PCDH15: variants seen among roughly 807,000 people sequenced by gnomAD.
The protein encoded by PCDH15 is protocadherin-15.
In PCDH15, 129 loss-of-function variants were observed where a neutral mutation model predicts 178.5. The observed-to-expected ratio is 0.72, with a 90% CI of 0.63 to 0.84. The LOEUF is 0.84. Among genes scored for constraint, PCDH15 ranks in the 40% least tolerant of loss-of-function variants. PCDH15 has a pLI of 0.00. For synonymous variants in PCDH15, 800 were observed against 732.0 expected (o/e 1.09, Z -1.50); for missense variants, 2,230 against 2,099.9 (o/e 1.06, Z -1.21).
At chr10:54,874,870 A>G (rs1954110995) in intron 3 of PCDH15, among the ~76,000 whole-genome samples, 1 of 152,162 alleles carries the variant, frequency 6.6e-6, no homozygotes, top group African/African-American at 2.4e-5. Flanking sequence ...TTATTGTCCT[A>G]ATGAAATCAC....
chr10:54,410,152 G>A (rs112127397), intron 3 of PCDH15, among the ~76,000 whole-genome samples: 24 of 152,152 alleles, frequency 1.6e-4, no homozygotes, highest in Admixed American at 4.6e-4. Context: ...CAGGAAAACA[G>A]GGCTGGGTTG....
chr10:54,213,132 G>A (rs1352274257), intron 10 of PCDH15, among the ~76,000 whole-genome samples: 3 of 151,860 alleles, frequency 2.0e-5, no homozygotes, highest in Non-Finnish European at 4.4e-5. Flanking sequence ...ATATGAGAGA[G>A]TTATGTACTA....
At chr10:54,399,201 C>G (rs1951624557) in intron 3 of PCDH15, among the ~76,000 whole-genome samples, 1 of 151,960 alleles carries the variant, frequency 6.6e-6, no homozygotes, top group South Asian at 2.1e-4. Flanking sequence ...GCTACCTACT[C>G]TCAGTGAAGA....
intron 1 of PCDH15, among the ~76,000 whole-genome samples, chr10:55,307,277 C>A (rs542391124): frequency 6.6e-6 from 1 of 151,756 alleles, no homozygotes; most frequent in Non-Finnish European, 1.5e-5. Flanking sequence ...CCGAGGCAGG[C>A]GGATCACGAG....
At position 55,479,026 on chromosome 10, in the gene PCDH15, T is replaced by C. The variant is rs112223719; in HGVS notation, c.-156+148599A>G. ...TCTCCCATAAGAGAAAAGTCCAGGATCTGATGAAGATCCTGGACTCAGTTC... is the reference window on the plus strand; with the variant it reads ...TCTCCCATAAGAGAAAAGTCCAGGACCTGATGAAGATCCTGGACTCAGTTC... On this transcript the variant is annotated intron_variant, in intron 2 of 5. Coordinates refer to the PCDH15 transcript ENST00000613346. 7.2e-3 allele frequency among the ~76,000 whole-genome samples: 1,074 copies of C among 149,452 alleles called. 4 individuals are homozygous for C. The highest frequency in any genetic ancestry group is 0.011 in the Non-Finnish European group (706 of 67,172).
At chr10:54,804,012 G>T (rs1190827137), upstream of PCDH15, among the ~76,000 whole-genome samples, 1 of 151,754 alleles carries the variant, frequency 6.6e-6, no homozygotes, top group Non-Finnish European at 1.5e-5. Flanking sequence ...TTAAAAAGTG[G>T]TAATAAACAA....
intron 2 of PCDH15, among the ~76,000 whole-genome samples, chr10:54,913,154 G>A (rs1803009606): frequency 6.6e-6 from 1 of 152,182 alleles, no homozygotes; most frequent in Admixed American, 6.6e-5. Flanking sequence ...AAGTAAAGAG[G>A]AGCCTAATGG....
At chr10:54,081,661 A>G (rs1453999704) in intron 16 of PCDH15, among the ~76,000 whole-genome samples, 1 of 152,148 alleles carries the variant, frequency 6.6e-6, no homozygotes, top group Admixed American at 6.6e-5. Context: ...AAAAAGTCTT[A>G]TTACCAGCTA....
intron 3 of PCDH15, among the ~76,000 whole-genome samples, chr10:54,451,651 A>G (rs2076487438): frequency 6.6e-6 from 1 of 151,906 alleles, no homozygotes; most frequent in South Asian, 2.1e-4. Context: ...ATTTACCAAA[A>G]TCTAATATTT....
At chr10:54,176,458 C>T (rs1232970814) in intron 13 of PCDH15, among the ~76,000 whole-genome samples, 1 of 152,098 alleles carries the variant, frequency 6.6e-6, no homozygotes, top group Non-Finnish European at 1.5e-5. Context: ...TGGATCAAAC[C>T]TTCAACCTGA....
chr10:53,833,692 T>C (rs2077142377), intron 29 of PCDH15, among the ~76,000 whole-genome samples: 1 of 152,136 alleles, frequency 6.6e-6, no homozygotes, highest in Non-Finnish European at 1.5e-5. Flanking sequence ...AACTCTTGAA[T>C]TCTTTTTTCG....
In PCDH15 at chr10:54,811,722, G is replaced by A. The variant is rs900532191; in HGVS notation, c.-29+85728C>T. On this transcript the variant is annotated intron_variant, in intron 3 of 5. Transcript: ENST00000458638. Reference sequence around the variant, plus strand: ...CTGACCTTGTGATCCACCCGCCTCCGCCTCCCAAACTGCTGGGATTACAGG... The same window carrying A: ...CTGACCTTGTGATCCACCCGCCTCCACCTCCCAAACTGCTGGGATTACAGG... Among the ~76,000 whole-genome samples, 9 of 152,032 alleles carry A rather than the reference G, an allele frequency of 5.9e-5. No individual in the cohort carries two copies. In the South Asian group the frequency reaches 6.2e-4, roughly 11 times the overall value.
In PCDH15 at chr10:55,427,890, A is replaced by G. The variant is rs972602499; in HGVS notation, c.-156+199735T>C. ...CTAGTATCTCCAAATAGCATTTTAA[A>G]GAATACAATTTTGGGGAAAAATGTA... is the stretch of plus-strand genomic sequence containing the variant. On this transcript the variant is annotated intron_variant, in intron 2 of 5. Coordinates refer to the PCDH15 transcript ENST00000613346. Among the ~76,000 whole-genome samples, 88 of 152,270 alleles carry G rather than the reference A, an allele frequency of 5.8e-4. 1 individual carries two copies. The highest frequency in any genetic ancestry group is 6.8e-3 in the Middle Eastern group (2 of 294).
intron 3 of PCDH15, among the ~76,000 whole-genome samples, chr10:54,505,092 C>T (rs900258839): frequency 6.6e-6 from 1 of 151,986 alleles, no homozygotes; most frequent in Non-Finnish European, 1.5e-5. Context: ...TCCACTTCTG[C>T]TTATAGTGAC....
At chr10:55,366,818 G>A (rs7089355) in intron 2 of PCDH15, among the ~76,000 whole-genome samples, 85,205 of 151,944 alleles carry the variant, frequency 0.56, 24,485 homozygotes, top group African/African-American at 0.67. Flanking sequence ...GCCTAAATGC[G>A]GAATTTGGCA....
chr10:53,971,018 C>T (rs897892587), intron 21 of PCDH15, among the ~76,000 whole-genome samples: 1 of 152,150 alleles, frequency 6.6e-6, no homozygotes, highest in Non-Finnish European at 1.5e-5. Flanking sequence ...CCCTGATGAA[C>T]ATCAATGTGA....
intron 3 of PCDH15, among the ~76,000 whole-genome samples, chr10:54,444,535 T>C (rs2076029764): frequency 6.6e-6 from 1 of 151,748 alleles, no homozygotes; most frequent in African/African-American, 2.4e-5. Flanking sequence ...TGCATCGCAC[T>C]GTACACATTT....
intron 2 of PCDH15, among the ~76,000 whole-genome samples, chr10:55,397,947 T>C (rs1221059018): frequency 1.3e-5 from 2 of 152,172 alleles, no homozygotes; most frequent in African/African-American, 4.8e-5. Context: ...TGAATGCTAA[T>C]GAGGTAACTA....
chr10:54,107,124 G>A (rs1360862503), intron 15 of PCDH15, among the ~76,000 whole-genome samples: 2 of 152,142 alleles, frequency 1.3e-5, no homozygotes, highest in Non-Finnish European at 2.9e-5. Context: ...TTTATTAATA[G>A]AATCAATAGC....
Sources: allele counts gnomAD v4.1 joint callset (sites outside exome capture counted in the v4.1 genomes callset), GRCh38; gene constraint gnomAD v4.1.1; transcripts MANE v1.5; gene names NCBI Gene and HGNC (gene_info 2026-07-23, HGNC 2026-07-21).